PMFBP1: variants seen among roughly 807,000 people sequenced by gnomAD.
PMFBP1 encodes the protein polyamine modulated factor 1 binding protein 1, also known as polyamine-modulated factor 1-binding protein 1.
A neutral mutation model predicts 137.8 loss-of-function variants in PMFBP1; 131 were observed. The observed-to-expected ratio is 0.95, with a 90% CI of 0.82 to 1.10. PMFBP1 has a LOEUF of 1.10. PMFBP1 is among the 50% of genes least tolerant of loss of function. The probability of loss-of-function intolerance (pLI) is 0.00; values close to 1 mark genes in which losing one functional copy is unlikely to be tolerated. For missense variants in PMFBP1, 1,199 were observed against 1,175.4 expected (o/e 1.02, Z -0.29); for synonymous variants, 490 against 450.4 (o/e 1.09, Z -1.11).
chr16:72,167,219 C>T (rs145528020), intron 2 of PMFBP1, among the ~76,000 whole-genome samples: 188 of 152,284 alleles, frequency 1.2e-3, no homozygotes, highest in African/African-American at 4.5e-3. Context: ...TCAGAGTATT[C>T]AGAATTCAGA....
chr16:72,139,906 T>G (rs1397212850), intron 6 of PMFBP1, among the ~76,000 whole-genome samples: 1 of 152,230 alleles, frequency 6.6e-6, no homozygotes, highest in Non-Finnish European at 1.5e-5. Flanking sequence ...CCTCTTCACT[T>G]ATTCTCCCTT....
chr16:72,156,149 G>A (rs2042977291), intron 3 of PMFBP1, among the ~76,000 whole-genome samples: 1 of 152,028 alleles, frequency 6.6e-6, no homozygotes. Flanking sequence ...ACCACACCCA[G>A]CTAATTTTTG....
the PMFBP1 span, among the ~76,000 whole-genome samples, chr16:72,246,385 G>A: frequency 2.6e-5 from 4 of 152,150 alleles, 1 homozygote. Context: ...GACTCCTCAG[G>A]CTACTGTGAG....
the PMFBP1 span, among the ~76,000 whole-genome samples, chr16:72,221,952 T>C: frequency 2.6e-5 from 4 of 152,338 alleles, no homozygotes; most frequent in Non-Finnish European, 4.4e-5. Flanking sequence ...ACAACAGTTA[T>C]TGAGTAGCAG....
chr16:72,204,643 T>C, the PMFBP1 span, among the ~76,000 whole-genome samples: 1 of 152,196 alleles, frequency 6.6e-6, no homozygotes, highest in African/African-American at 2.4e-5. Context: ...CCTGAACGAA[T>C]GAATGAGCAG....
At chr16:72,141,020 C>T (rs576157075) in intron 5 of PMFBP1, among the ~76,000 whole-genome samples, 39 of 148,066 alleles carry the variant, frequency 2.6e-4, no homozygotes, top group South Asian at 4.3e-4. Context: ...CTGCAACCTC[C>T]GCCTTCCAGG....
intron 12 of PMFBP1, 137 bp downstream of exon 12, chr16:72,130,076 A>G: frequency 8.8e-7 from 1 of 1,138,514 alleles, no homozygotes; most frequent in Non-Finnish European, 1.2e-6. Context: ...GCTGGTCTGG[A>G]ACCCCTGGGC....
intron 18 of PMFBP1, 132 bp downstream of exon 18, chr16:72,123,414 T>C (rs2042406162): frequency 4.0e-6 from 3 of 742,074 alleles, no homozygotes; most frequent in Non-Finnish European, 4.4e-6. Context: ...TTTCCATCCC[T>C]TGGGTGTGGG....
the PMFBP1 span, among the ~76,000 whole-genome samples, chr16:72,198,949 T>A: frequency 3.9e-5 from 6 of 152,228 alleles, no homozygotes; most frequent in East Asian, 1.2e-3. Flanking sequence ...AGTCTCAAGT[T>A]AGCAGCGTCA....
chr16:72,122,568 T>A (rs1422851317), intron 19 of PMFBP1, among the ~76,000 whole-genome samples: 1 of 152,212 alleles, frequency 6.6e-6, no homozygotes, highest in East Asian at 1.9e-4. Flanking sequence ...GTTCCTTCAC[T>A]TGGGATCTGT....
chr16:72,134,572 G>A (rs2042596774), intron 9 of PMFBP1, among the ~76,000 whole-genome samples: 1 of 152,182 alleles, frequency 6.6e-6, no homozygotes, highest in Non-Finnish European at 1.5e-5. Context: ...AAAGGAGGGA[G>A]TCCTTACAAG....
chr16:72,140,515 T>C lies in PMFBP1; in HGVS notation c.704A>G (p.His235Arg), dbSNP rs756656740. Residue 235 changes from histidine (H) to arginine (R), a missense_variant, in exon 6 of 21, where the codon CAT becomes CGT. By Grantham distance (29) the His-to-Arg change is conservative. Transcript: ENST00000237353. ...AGACAGTCGTTTCTGAGTCTCCTGATGCTCTTGAATCATGCAAGGAGAAGT... is the reference window on the plus strand; with the variant it reads ...AGACAGTCGTTTCTGAGTCTCCTGACGCTCTTGAATCATGCAAGGAGAAGT... ...IYTSPCMIQE[H>R]QETQKRLSEV... The C allele has an allele frequency of 6.2e-7, 1 of 1,613,260 alleles. No homozygotes were observed. Among genetic ancestry groups the C allele is most frequent in the South Asian group, 1.1e-5 (1 of 91,078 alleles).
chr16:72,240,428 G>C, the PMFBP1 span, among the ~76,000 whole-genome samples: 1 of 152,224 alleles, frequency 6.6e-6, no homozygotes, highest in Admixed American at 6.5e-5. Flanking sequence ...ACTAAAAGTA[G>C]GACAATTCTG....
At chr16:72,141,187 T>G (rs1400196884) in intron 5 of PMFBP1, among the ~76,000 whole-genome samples, 1 of 152,184 alleles carries the variant, frequency 6.6e-6, no homozygotes, top group African/African-American at 2.4e-5. Context: ...TTCACCCGCC[T>G]CAGTCTCCCA....
At chr16:72,154,481 CA>C (rs1555545911) in intron 3 of PMFBP1, 22 bp from the exon 4 acceptor site, 3 of 1,603,540 alleles carry the variant, frequency 1.9e-6, no homozygotes, top group Middle Eastern at 1.7e-4. Flanking sequence ...ACAGGATATA[CA>C]AAAAAGGCTT....
intron 4 of PMFBP1, among the ~76,000 whole-genome samples, chr16:72,151,954 A>G (rs1446470531): frequency 6.6e-6 from 1 of 152,044 alleles, no homozygotes; most frequent in Non-Finnish European, 1.5e-5. Context: ...GCCCTCAACC[A>G]ATGACTGGGG....
At chr16:72,185,488 G>A in the PMFBP1 span, among the ~76,000 whole-genome samples, 1 of 151,970 alleles carries the variant, frequency 6.6e-6, no homozygotes, top group Non-Finnish European at 1.5e-5. Flanking sequence ...TCATCTTTGG[G>A]TTCACTCAGA....
At chr16:72,189,062 C>CT in the PMFBP1 span, among the ~76,000 whole-genome samples, 1,061 of 146,348 alleles carry the variant, frequency 7.2e-3, 22 homozygotes, top group East Asian at 0.022. Context: ...TTAGTGTTGA[C>CT]TTTTTTTTTT....
intron 19 of PMFBP1, 90 bp downstream of exon 19, chr16:72,122,824 C>T: frequency 8.1e-7 from 1 of 1,232,416 alleles, no homozygotes; most frequent in Non-Finnish European, 1.2e-6. Context: ...GGGCTGATCC[C>T]CCTATCAAGG....
Sources: gnomAD v4.1 joint callset for allele counts (sites outside exome capture counted in the v4.1 genomes callset) on GRCh38, gnomAD v4.1.1 for gene constraint, MANE v1.5 for transcripts, NCBI Gene and HGNC (gene_info 2026-07-23, HGNC 2026-07-21) for gene names.